Variants in XKR6 observed in about 807,000 individuals in gnomAD.
XKR6 encodes XK-related protein 6.
XKR6 carries 22 observed loss-of-function variants against 56.7 expected under a neutral mutation model. That is an observed-to-expected ratio of 0.39 (90% CI 0.28 to 0.55). The LOEUF is 0.55. XKR6 is among the 20% of genes least tolerant of loss of function. The pLI is 0.66. For missense variants in XKR6, 852 were observed against 889.0 expected (o/e 0.96, Z 0.53); for synonymous variants, 524 against 387.8 (o/e 1.35, Z -4.13).
intron 1 of XKR6, among the ~76,000 whole-genome samples, chr8:10,929,513 C>G (rs558720596): frequency 2.0e-5 from 3 of 152,354 alleles, no homozygotes; most frequent in Admixed American, 2.0e-4. Flanking sequence ...GACCATGTGT[C>G]TCCTTACTTC....
chr8:11,092,546 G>C (rs938600826), intron 1 of XKR6, among the ~76,000 whole-genome samples: 5 of 152,242 alleles, frequency 3.3e-5, no homozygotes, highest in East Asian at 3.9e-4. Flanking sequence ...GTGGGGACAG[G>C]GGGTATCCCG....
chr8:10,972,815 T>C (rs1802446572), intron 1 of XKR6, among the ~76,000 whole-genome samples: 1 of 152,230 alleles, frequency 6.6e-6, no homozygotes, highest in Non-Finnish European at 1.5e-5. Flanking sequence ...AGTGTAGATG[T>C]ACTTAATGCC....
chr8:11,156,822 C>G (rs1801544758), intron 1 of XKR6, among the ~76,000 whole-genome samples: 1 of 152,090 alleles, frequency 6.6e-6, no homozygotes, highest in Non-Finnish European at 1.5e-5. Flanking sequence ...CCACCCACCA[C>G]AGACACAGAT....
chr8:11,082,339 G>C (rs1048637291), intron 1 of XKR6, among the ~76,000 whole-genome samples: 1 of 152,182 alleles, frequency 6.6e-6, no homozygotes. Flanking sequence ...ACGAATGTGG[G>C]AGCAAGAGTT....
intron 1 of XKR6, chr8:11,111,941 T>C (rs562369476): frequency 6.6e-6 from 1 of 152,338 alleles, no homozygotes; most frequent in South Asian, 2.1e-4. Context: ...GGAAAGACTT[T>C]CTTAGAAATG....
intron 1 of XKR6, among the ~76,000 whole-genome samples, chr8:11,065,667 C>T (rs888784062): frequency 6.6e-6 from 1 of 152,112 alleles, no homozygotes; most frequent in East Asian, 1.9e-4. Flanking sequence ...ACAACTTACT[C>T]CTTCCTCTCA....
intron 1 of XKR6, among the ~76,000 whole-genome samples, chr8:11,139,081 A>C (rs1800547918): frequency 6.6e-6 from 1 of 152,242 alleles, no homozygotes; most frequent in Admixed American, 6.5e-5. Flanking sequence ...GCAATTTCAG[A>C]ATAAAACCAT....
intron 1 of XKR6, among the ~76,000 whole-genome samples, chr8:11,115,260 A>C (rs1176927681): frequency 6.6e-6 from 1 of 152,218 alleles, no homozygotes; most frequent in African/African-American, 2.4e-5. Context: ...TAATCCTGGA[A>C]ATTAATTCTT....
At position 11,129,899 on chromosome 8, in the gene XKR6, C is replaced by T. The variant is rs538503814; in HGVS notation, c.764+70677G>A. ...CTTTTTTAAAAACCAATCTCAGCTG[C>T]TTGATATATAACAGGAGATGAGGAA... is the stretch of plus-strand genomic sequence containing the variant. On this transcript the variant is annotated intron_variant, in intron 1 of 2. Transcript: ENST00000416569. 3.3e-5 allele frequency among the ~76,000 whole-genome samples: 5 copies of T among 152,188 alleles called. No homozygotes were observed. In the South Asian group the frequency reaches 1.0e-3, roughly 32 times the overall value.
At chr8:10,990,151 G>T (rs951920710) in intron 1 of XKR6, among the ~76,000 whole-genome samples, 1 of 152,086 alleles carries the variant, frequency 6.6e-6, no homozygotes, top group Non-Finnish European at 1.5e-5. Flanking sequence ...TTTTGTGACA[G>T]TCAGGTATTT....
intron 1 of XKR6, among the ~76,000 whole-genome samples, chr8:10,987,339 G>C (rs539144568): frequency 6.6e-6 from 1 of 152,144 alleles, no homozygotes; most frequent in African/African-American, 2.4e-5. Flanking sequence ...GATAAGAGCA[G>C]AATCATTATC....
intron 1 of XKR6, among the ~76,000 whole-genome samples, chr8:11,016,179 G>T (rs1304341261): frequency 6.6e-6 from 1 of 152,176 alleles, no homozygotes; most frequent in Non-Finnish European, 1.5e-5. Flanking sequence ...GTGGGAGAGG[G>T]CGGCCAGCTG....
At chr8:11,020,054 G>C (rs552474847) in intron 1 of XKR6, among the ~76,000 whole-genome samples, 85 of 152,200 alleles carry the variant, frequency 5.6e-4, no homozygotes, top group Non-Finnish European at 8.5e-4. Context: ...CAGAGCAGAG[G>C]ACAGGAGATG....
intron 1 of XKR6, among the ~76,000 whole-genome samples, chr8:11,093,375 A>G (rs950291275): frequency 5.3e-5 from 8 of 152,200 alleles, no homozygotes; most frequent in South Asian, 4.2e-4. Flanking sequence ...TTTCTAGCCC[A>G]GCTTTTATCT....
intron 1 of XKR6, among the ~76,000 whole-genome samples, chr8:10,930,488 C>A (rs575527029): frequency 5.1e-4 from 77 of 152,306 alleles, no homozygotes; most frequent in African/African-American, 1.7e-3. Context: ...CAGTCAAACA[C>A]AGTACAAGCA....
intron 1 of XKR6, among the ~76,000 whole-genome samples, chr8:10,985,975 AT>A (rs1406161946): frequency 6.6e-6 from 1 of 152,264 alleles, no homozygotes; most frequent in East Asian, 1.9e-4. Flanking sequence ...AAGCAAGAAT[AT>A]TTAGAAAATT....
chr8:10,946,326 G>T (rs527517009), intron 1 of XKR6, among the ~76,000 whole-genome samples: 1 of 152,066 alleles, frequency 6.6e-6, no homozygotes, highest in Non-Finnish European at 1.5e-5. Flanking sequence ...ACACTCCACC[G>T]GGGGCTTTGA....
At chr8:10,991,592 A>G (rs981053795) in intron 1 of XKR6, among the ~76,000 whole-genome samples, 2 of 152,202 alleles carry the variant, frequency 1.3e-5, no homozygotes, top group Admixed American at 1.3e-4. Flanking sequence ...ATATAAAAGC[A>G]TACTCTATGG....
intron 1 of XKR6, among the ~76,000 whole-genome samples, chr8:11,174,120 A>C (rs1444632425): frequency 1.3e-5 from 2 of 152,226 alleles, no homozygotes; most frequent in Admixed American, 1.3e-4. Context: ...AATTCTATTA[A>C]TCCATGCAAC....
Sources: gnomAD v4.1 joint callset for allele counts (sites outside exome capture counted in the v4.1 genomes callset) on GRCh38, gnomAD v4.1.1 for gene constraint, MANE v1.5 for transcripts, NCBI Gene and HGNC (gene_info 2026-07-23, HGNC 2026-07-21) for gene names.